TMEM132A: variants seen among roughly 807,000 people sequenced by gnomAD.
TMEM132A encodes transmembrane protein 132A.
A neutral mutation model predicts 69.9 loss-of-function variants in TMEM132A; 48 were observed. That is an observed-to-expected ratio of 0.69 (90% CI 0.55 to 0.87). TMEM132A has a LOEUF of 0.87. TMEM132A is among the 40% of genes least tolerant of loss of function. The probability of loss-of-function intolerance (pLI) is 0.00; values close to 1 mark genes in which losing one functional copy is unlikely to be tolerated. For synonymous variants in TMEM132A, 577 were observed against 613.7 expected (o/e 0.94, Z 0.88); for missense variants, 1,287 against 1,407.2 (o/e 0.91, Z 1.37).
Position 60,936,377 on chromosome 11 carries a change from C to T in TMEM132A, c.2542C>T (p.Leu848=). 1 of 1,614,182 alleles carries T rather than the reference C, an allele frequency of 6.2e-7. No homozygotes were observed. Among genetic ancestry groups the T allele is most frequent in the Non-Finnish European group, 8.5e-7 (1 of 1,180,008 alleles). ...PAPQHVTELE[L]GMYALLGVFC... is the part of the protein sequence containing the mutation. ...CCCTCAGCATGTCACTGAGCTAGAG[C>T]TGGGCATGTACGCCCTGCTGGGAGT... is the stretch of plus-strand genomic sequence containing the variant. The change falls in exon 11 of 11, where the codon CTG becomes TTG. Residue 848 remains leucine, a synonymous_variant. Transcript: ENST00000453848.
chr11:60,935,943 G>T lies in TMEM132A; in HGVS notation c.2108G>T (p.Gly703Val), dbSNP rs1200563433. Residue 703 changes from glycine (G) to valine (V), a missense_variant, in exon 11 of 11, where the codon GGA becomes GTA. Gly to Val is a moderately radical substitution (Grantham distance 109). Transcript: ENST00000453848. The surrounding 1 kb of genome is among the most constrained non-coding windows in gnomAD (Gnocchi z 5.0). The stretch of plus-strand genomic sequence containing the variant: ...GAGCTCTACGACCGCCGTGACCTGG[G>T]ACTGTCCGTCTCAGCCGAGGAGCCT... ...PAELYDRRDL[G>V]LSVSAEEPGA... 1 of 1,611,812 alleles carries T rather than the reference G, an allele frequency of 6.2e-7. No homozygotes were observed. The highest frequency in any genetic ancestry group is 1.3e-5 in the African/African-American group (1 of 74,842).
In TMEM132A at chr11:60,935,834, T is replaced by A. The variant is rs765904376; in HGVS notation, c.2029-30T>A. ...CTGTGCATGCGTGCGTGCCCTCGCATGTCTCTGCCTGTGTCTGTGTGCCCC... is the reference window on the plus strand; with the variant it reads ...CTGTGCATGCGTGCGTGCCCTCGCAAGTCTCTGCCTGTGTCTGTGTGCCCC... On this transcript the variant is annotated intron_variant, in intron 10 of 10. Coordinates refer to ENST00000453848, the MANE Select transcript of TMEM132A (RefSeq NM_178031.3). The surrounding 1 kb of genome is among the most constrained non-coding windows in gnomAD (Gnocchi z 5.0). 17 of 1,607,162 alleles carry A rather than the reference T, an allele frequency of 1.1e-5. No homozygotes were observed. The East Asian group carries it at 3.3e-4, about 32-fold the overall frequency.
At chr11:60,933,797 G>A (rs1049190879) in intron 8 of TMEM132A, 53 bp downstream of exon 8, 26 of 1,497,718 alleles carry the variant, frequency 1.7e-5, no homozygotes, top group Non-Finnish European at 2.3e-5. Context: ...CACTGGGACG[G>A]AGAGGGCGCA....
At chr11:60,932,707 A>G (rs1323130457) in intron 7 of TMEM132A, 2 of 152,240 alleles carry the variant, frequency 1.3e-5, no homozygotes, top group South Asian at 2.1e-4. Context: ...AACTTCCTCT[A>G]TCTTGAAGTT....
In TMEM132A at chr11:60,937,016, C is replaced by G; in HGVS notation, c.*109C>G. 7.8e-7 allele frequency: 1 copy of G among 1,282,448 alleles called. No individual in the cohort carries two copies. The highest frequency in any genetic ancestry group is 1.0e-6 in the Non-Finnish European group (1 of 956,040). The allele number at this position is 1,282,448 out of a possible 1,614,324, so 79.4% of individuals were successfully genotyped here. A position where few individuals can be genotyped will look rare whatever the true frequency, so the allele number is the denominator to read the frequency against. ...GTCTGGTGCTTGTTGATCCAAGTCC[C>G]CTGCCTGGTCCCCCACAAGGACTCC... On this transcript the variant is annotated 3_prime_UTR_variant, in exon 11 of 11. Transcript: ENST00000453848.
chr11:60,935,304 C>G lies in TMEM132A; in HGVS notation c.1889C>G (p.Thr630Arg), dbSNP rs763174302. The G allele has an allele frequency of 6.2e-7, 1 of 1,612,720 alleles. No homozygotes were observed. The highest frequency in any genetic ancestry group is 8.5e-7 in the Non-Finnish European group (1 of 1,179,702). ...SILGEQALAV[T>R]DDKVSVLELR... ...CTGGGGGAGCAGGCGCTGGCTGTGA[C>G]GGACGACAAGGTCTCAGTGCTGGAG... Residue 630 changes from threonine to arginine, a missense_variant, in exon 10 of 11, where the codon ACG becomes AGG. Transcript: ENST00000453848. The surrounding 1 kb of genome is among the most constrained non-coding windows in gnomAD (Gnocchi z 5.0).
intron 3 of TMEM132A, 35 bp from the exon 4 acceptor site, chr11:60,928,594 C>T (rs767662233): frequency 6.3e-7 from 1 of 1,586,386 alleles, no homozygotes; most frequent in Non-Finnish European, 8.6e-7. Context: ...CCTGCACCCA[C>T]CCCCATGCCA....
chr11:60,924,460 A>G lies in TMEM132A; in HGVS notation c.-174A>G, dbSNP rs964474096. Reference sequence around the variant, plus strand: ...GCTGCGATTCGCTCCCTCCCACCCCACTGCTCCCGCTCCATTGTCTGGGAA... The same window carrying G: ...GCTGCGATTCGCTCCCTCCCACCCCGCTGCTCCCGCTCCATTGTCTGGGAA... On this transcript the variant is annotated 5_prime_UTR_variant, in exon 1 of 11. Coordinates refer to ENST00000453848, the MANE Select transcript of TMEM132A (RefSeq NM_178031.3). The G allele has an allele frequency of 7.6e-6, 3 of 394,326 alleles. No homozygotes were observed. The highest frequency in any genetic ancestry group is 4.8e-5 in the Admixed American group (1 of 20,796). The allele number at this position is 394,326 out of a possible 1,614,324, so 24.4% of individuals were successfully genotyped here. A position where few individuals can be genotyped will look rare whatever the true frequency, so the allele number is the denominator to read the frequency against.
intron 7 of TMEM132A, chr11:60,933,278 G>A: frequency 2.0e-6 from 1 of 508,538 alleles, no homozygotes; most frequent in Non-Finnish European, 3.5e-6. Flanking sequence ...AGCTACCCAG[G>A]CTCAAGGGAT....
At chr11:60,926,986 T>A (rs1590622391) in intron 1 of TMEM132A, 2 of 615,668 alleles carry the variant, frequency 3.2e-6, no homozygotes, top group East Asian at 5.5e-5. Flanking sequence ...CATCCAGTCC[T>A]GGACTCAGAT....
At chr11:60,928,427 A>G (rs1856398498) in intron 3 of TMEM132A, among the ~76,000 whole-genome samples, 2 of 152,114 alleles carry the variant, frequency 1.3e-5, no homozygotes, top group Admixed American at 6.5e-5. Context: ...TGGTCTGCGG[A>G]CATGCTCTGA....
chr11:60,927,865 T>A lies in TMEM132A; in HGVS notation c.534+6T>A. The stretch of plus-strand genomic sequence containing the variant: ...ACCAAGCCTGCCGCTTCCAGGTGAG[T>A]AGACAGGCCCCACCTAGGCTGGTCC... On this transcript the variant is annotated splice_donor_region_variant and intron_variant, in intron 3 of 10. Coordinates refer to ENST00000453848, the MANE Select transcript of TMEM132A (RefSeq NM_178031.3). 6.2e-7 allele frequency: 1 copy of A among 1,604,414 alleles called. No homozygotes were observed. The highest frequency in any genetic ancestry group is 8.5e-7 in the Non-Finnish European group (1 of 1,176,932).
At chr11:60,929,569 C>T (rs578156971) in intron 4 of TMEM132A, among the ~76,000 whole-genome samples, 1 of 152,316 alleles carries the variant, frequency 6.6e-6, no homozygotes, top group South Asian at 2.1e-4. Flanking sequence ...GGAGAGGCAT[C>T]TCTTAGGCTT....
intron 5 of TMEM132A, 28 bp downstream of exon 5, chr11:60,930,687 C>T: frequency 6.3e-7 from 1 of 1,591,058 alleles, no homozygotes; most frequent in South Asian, 1.1e-5. Flanking sequence ...ACCCAGGGGG[C>T]AAAGGAGGGA....
At position 60,924,666 on chromosome 11, in the gene TMEM132A, G is replaced by C. The variant is rs1338716772; in HGVS notation, c.33G>C (p.Ala11=). 2.5e-6 allele frequency: 4 copies of C among 1,593,972 alleles called. No individual in the cohort carries two copies. Among genetic ancestry groups the C allele is most frequent in the Non-Finnish European group, 3.4e-6 (4 of 1,176,430 alleles). The change falls in exon 1 of 11, where the codon GCG becomes GCC. Residue 11 remains alanine (A), a synonymous_variant. Transcript: ENST00000453848. MCARMAGRTT[A]APRGPYGPWL... is the part of the protein sequence containing the mutation. The stretch of plus-strand genomic sequence containing the variant: ...CGCGGATGGCCGGTCGCACAACAGC[G>C]GCCCCTCGGGGGCCCTACGGCCCCT...
intron 5 of TMEM132A, 81 bp downstream of exon 5, chr11:60,930,740 A>T (rs1423092819): frequency 7.3e-7 from 1 of 1,371,066 alleles, no homozygotes; most frequent in South Asian, 1.5e-5. Flanking sequence ...GGAGGCTGCC[A>T]TGCTGCCTCT....
intron 1 of TMEM132A, 73 bp from the exon 2 acceptor site, chr11:60,927,131 C>T: frequency 3.8e-6 from 5 of 1,300,916 alleles, no homozygotes; most frequent in Non-Finnish European, 5.5e-6. Flanking sequence ...ACTACTGTGC[C>T]CCAGCATGGC....
chr11:60,927,109 C>A, intron 1 of TMEM132A, 95 bp from the exon 2 acceptor site: 1 of 987,774 alleles, frequency 1.0e-6, no homozygotes, highest in Non-Finnish European at 1.6e-6. Context: ...TTTTCTCCCT[C>A]CCTTGCCCAC....
chr11:60,936,481 C>A lies in TMEM132A; in HGVS notation c.2646C>A (p.Asp882Glu). ...GCTATCAGCGCAAAGAACCTCCCGA[C>A]AGTGCCACTGACCCCACCTCCCCCC... The part of the protein sequence containing the change: ...VLRYQRKEPP[D>E]SATDPTSPQP... The change falls in exon 11 of 11, where the codon GAC (aspartate) becomes GAA (glutamate). Residue 882 changes from aspartate to glutamate, a missense_variant. Transcript: ENST00000453848. 2 of 1,614,166 alleles carry A rather than the reference C, an allele frequency of 1.2e-6. No individual in the cohort carries two copies. The highest frequency in any genetic ancestry group is 1.7e-6 in the Non-Finnish European group (2 of 1,180,010).
Sources: gnomAD v4.1 joint callset for allele counts (sites outside exome capture counted in the v4.1 genomes callset) on GRCh38, gnomAD v4.1.1 for gene constraint, Gnocchi (gnomAD v3.1) non-coding constraint, MANE v1.5 for transcripts, NCBI Gene and HGNC (gene_info 2026-07-23, HGNC 2026-07-21) for gene names.